Variants in DMD observed in about 807,000 individuals in gnomAD.
DMD encodes dystrophin, also known as mutant dystrophin.
DMD carries 63 observed loss-of-function variants against 330.1 expected under a neutral mutation model. The ratio of observed to expected loss-of-function variants is 0.19; its 90% confidence interval spans 0.16 to 0.24. The LOEUF is 0.24. Among genes scored for constraint, DMD ranks in the 10% least tolerant of loss-of-function variants. The pLI is 1.00. For synonymous variants in DMD, 1,223 were observed against 959.8 expected (o/e 1.27, Z -5.07); for missense variants, 3,344 against 2,684.1 (o/e 1.25, Z -5.43).
At chrX:32,103,512 C>T (rs776941286) in intron 44 of DMD, among the ~76,000 whole-genome samples, 3 of 111,681 alleles carry the variant, frequency 2.7e-5, no homozygotes, top group African/African-American at 6.5e-5. Flanking sequence ...CGAAGCTCCA[C>T]GAAACAATCG....
chrX:32,731,160 T>C (rs1025343923), intron 7 of DMD, among the ~76,000 whole-genome samples: 2 of 112,123 alleles, frequency 1.8e-5, no homozygotes, highest in African/African-American at 3.2e-5. Context: ...GGACAGCACC[T>C]GGAAAATCGG....
intron 1 of DMD, among the ~76,000 whole-genome samples, chrX:33,239,386 T>A (rs1246840967): frequency 9.1e-6 from 1 of 109,730 alleles, no homozygotes; most frequent in Non-Finnish European, 1.9e-5. Context: ...CACAGTTATG[T>A]ATGCAACAGC....
At chrX:33,336,044 G>T (rs943531513) in intron 1 of DMD, among the ~76,000 whole-genome samples, 3 of 110,719 alleles carry the variant, frequency 2.7e-5, no homozygotes, top group Non-Finnish European at 3.8e-5. Context: ...ACCTTCTTCA[G>T]GAATTGTCAG....
At chrX:32,459,734 C>A (rs1428456198) in intron 25 of DMD, among the ~76,000 whole-genome samples, 1 of 111,013 alleles carries the variant, frequency 9.0e-6, no homozygotes, top group Non-Finnish European at 1.9e-5. Flanking sequence ...AGACTATCAA[C>A]AAACACTCTC....
intron 7 of DMD, among the ~76,000 whole-genome samples, chrX:32,781,135 A>C (rs1309522132): frequency 1.9e-5 from 2 of 106,093 alleles, no homozygotes; most frequent in Non-Finnish European, 3.9e-5. Context: ...GAAAAAAAAA[A>C]AAAAAAAAGG....
intron 2 of DMD, among the ~76,000 whole-genome samples, chrX:32,914,247 G>C (rs2087574826): frequency 8.9e-6 from 1 of 111,759 alleles, no homozygotes; most frequent in South Asian, 3.7e-4. Context: ...GAGACACAGA[G>C]AAATGCAACT....
chrX:32,879,132 T>G (rs1029180111), intron 2 of DMD, among the ~76,000 whole-genome samples: 4 of 111,752 alleles, frequency 3.6e-5, no homozygotes, highest in African/African-American at 1.3e-4. Flanking sequence ...TTCCTGCATC[T>G]GTTACCGTTA....
chrX:32,995,892 C>A (rs965191601), intron 2 of DMD, among the ~76,000 whole-genome samples: 10 of 112,008 alleles, frequency 8.9e-5, no homozygotes, highest in African/African-American at 3.2e-4. Context: ...CCAATTATAG[C>A]TATCTAGCTC....
chrX:32,977,445 G>C (rs1273073986), intron 2 of DMD, among the ~76,000 whole-genome samples: 1 of 111,637 alleles, frequency 9.0e-6, no homozygotes, highest in African/African-American at 3.3e-5. Flanking sequence ...TTCTAAAGAA[G>C]ATGGATCACC....
intron 30 of DMD, among the ~76,000 whole-genome samples, chrX:32,407,272 T>C (rs1308256213): frequency 2.7e-5 from 3 of 110,883 alleles, no homozygotes; most frequent in African/African-American, 9.9e-5. Flanking sequence ...CTCAAACAAA[T>C]GTACAAGAAA....
At chrX:32,691,645 C>G (rs967854453) in intron 9 of DMD, among the ~76,000 whole-genome samples, 1 of 111,265 alleles carries the variant, frequency 9.0e-6, no homozygotes, top group Non-Finnish European at 1.9e-5. Flanking sequence ...ATCTAGCAAT[C>G]TCACTTTTGG....
chrX:31,782,424 T>C (rs1723731321), intron 50 of DMD, among the ~76,000 whole-genome samples: 1 of 111,177 alleles, frequency 9.0e-6, no homozygotes, highest in Non-Finnish European at 1.9e-5. Flanking sequence ...CAAGTGATCC[T>C]GTCACCCACA....
At chrX:32,868,506 C>T (rs1342053433) in intron 2 of DMD, among the ~76,000 whole-genome samples, 2 of 111,907 alleles carry the variant, frequency 1.8e-5, no homozygotes, top group African/African-American at 6.5e-5. Context: ...GGACTGAGCT[C>T]CTGTAGGGAG....
chrX:31,332,552 G>C (rs2057186158), intron 61 of DMD, among the ~76,000 whole-genome samples: 1 of 111,624 alleles, frequency 9.0e-6, no homozygotes, highest in Non-Finnish European at 1.9e-5. Context: ...AGATTAATGG[G>C]GATTATCATC....
At chrX:32,503,466 T>A (rs1450945343) in intron 18 of DMD, among the ~76,000 whole-genome samples, 1 of 112,580 alleles carries the variant, frequency 8.9e-6, no homozygotes, top group African/African-American at 3.2e-5. Context: ...GCACATTAAA[T>A]TATGTAAATG....
intron 62 of DMD, among the ~76,000 whole-genome samples, chrX:31,263,446 T>C (rs2050721331): frequency 8.9e-6 from 1 of 112,232 alleles, no homozygotes; most frequent in South Asian, 3.7e-4. Flanking sequence ...GTTAAAATTA[T>C]GAAAAGGGTT....
rs951147699 is a variant in DMD, at chrX:32,836,760, TTATAAG to T, written c.264+8017_264+8022del. Reference sequence around the variant, plus strand: ...TTAACAAACCTTAATCAAACTTAATTTATAAGTATATTATTAGTTTCTACTGTTATT... The same window carrying T: ...TTAACAAACCTTAATCAAACTTAATTTATATTATTAGTTTCTACTGTTATT... On this transcript the variant is annotated intron_variant, in intron 4 of 78. Coordinates refer to ENST00000357033, the MANE Select transcript of DMD (RefSeq NM_004006.3). Among the ~76,000 whole-genome samples, 7 of 112,148 alleles carry T rather than the reference TTATAAG, an allele frequency of 6.2e-5. No individual in the cohort carries two copies. In the East Asian group the frequency reaches 8.4e-4, roughly 13 times the overall value.
At chrX:32,089,693 T>C (rs1186098070) in intron 44 of DMD, among the ~76,000 whole-genome samples, 5 of 112,071 alleles carry the variant, frequency 4.5e-5, no homozygotes, top group African/African-American at 1.6e-4. Flanking sequence ...TGTTCATTGA[T>C]AGGCATTTAA....
At chrX:33,107,050 G>T (rs989848033) in intron 1 of DMD, among the ~76,000 whole-genome samples, 3 of 111,683 alleles carry the variant, frequency 2.7e-5, no homozygotes, top group Non-Finnish European at 5.6e-5. Context: ...GTGACTCAAC[G>T]CCTGTAATCC....
Sources: allele counts gnomAD v4.1 joint callset (sites outside exome capture counted in the v4.1 genomes callset), GRCh38; gene constraint gnomAD v4.1.1; transcripts MANE v1.5; gene names NCBI Gene and HGNC (gene_info 2026-07-23, HGNC 2026-07-21).